FUT8: variants seen among roughly 807,000 people sequenced by gnomAD.
FUT8 encodes alpha-(1,6)-fucosyltransferase.
In FUT8, 29 loss-of-function variants were observed where a neutral mutation model predicts 71.3. That is an observed-to-expected ratio of 0.41 (90% CI 0.30 to 0.55). The LOEUF (loss-of-function observed/expected upper bound fraction) is 0.55, where lower values mean the gene tolerates loss of function less well. Ranked by LOEUF, FUT8 falls within the 20% of genes least tolerant of loss-of-function variation. The probability of loss-of-function intolerance (pLI) is 0.34; values close to 1 mark genes in which losing one functional copy is unlikely to be tolerated. For missense variants in FUT8, 544 were observed against 702.1 expected (o/e 0.77, Z 2.55); for synonymous variants, 254 against 239.3 (o/e 1.06, Z -0.57).
At position 65,561,848 on chromosome 14, in the gene FUT8, A is replaced by G. The variant is rs547878285; in HGVS notation, c.203+82A>G. The G allele has an allele frequency of 1.4e-5, 16 of 1,108,240 alleles. No individual in the cohort carries two copies. In the South Asian group the frequency reaches 1.9e-4, roughly 13 times the overall value. The allele number at this position is 1,108,240 out of a possible 1,614,324, so 68.7% of individuals were successfully genotyped here. On this transcript the variant is annotated intron_variant, in intron 3 of 10. Transcript: ENST00000673929. Reference sequence around the variant, plus strand: ...GTAGGGCTTCATTCCGCTAGGAAAAATAGTTAATTATTTTTATAACCTGCT... The same window carrying G: ...GTAGGGCTTCATTCCGCTAGGAAAAGTAGTTAATTATTTTTATAACCTGCT...
At chr14:65,504,742 C>T (rs1434426935) in intron 2 of FUT8, among the ~76,000 whole-genome samples, 5 of 152,012 alleles carry the variant, frequency 3.3e-5, no homozygotes, top group East Asian at 1.9e-4. Flanking sequence ...TTAGTAGAGA[C>T]GGGGTTTCAC....
chr14:65,476,567 G>A (rs1264110833), intron 2 of FUT8, among the ~76,000 whole-genome samples: 3 of 149,692 alleles, frequency 2.0e-5, no homozygotes, highest in Non-Finnish European at 4.5e-5. Context: ...GTGTCTAGAG[G>A]GTCAGGAAAG....
intron 3 of FUT8, among the ~76,000 whole-genome samples, chr14:65,604,490 T>C (rs1888464690): frequency 6.6e-6 from 1 of 151,922 alleles, no homozygotes; most frequent in African/African-American, 2.4e-5. Context: ...AATAACCTGC[T>C]CCTGAATGAT....
At chr14:65,394,877 C>T in the FUT8 span, among the ~76,000 whole-genome samples, 9 of 151,672 alleles carry the variant, frequency 5.9e-5, no homozygotes, top group Admixed American at 1.3e-4. Flanking sequence ...TCCTGAGTAG[C>T]GGACTACAGG....
At chr14:65,566,983 A>G (rs1446668899) in intron 3 of FUT8, among the ~76,000 whole-genome samples, 1 of 151,954 alleles carries the variant, frequency 6.6e-6, no homozygotes, top group East Asian at 1.9e-4. Flanking sequence ...TGGTTTGTGC[A>G]GAAATCCCCT....
At position 65,421,735 on chromosome 14, in the gene FUT8, A is replaced by ACCCC. The variant is rs377291691; in HGVS notation, c.-326+8524_-326+8525insCCCC. The stretch of plus-strand genomic sequence containing the variant: ...AAGATTTGTATCTTGAAACCCTTTA[A>ACCCC]CCCACCCCCCCCTTTTTTTTTTTTT... On this transcript the variant is annotated intron_variant, in intron 1 of 10. Coordinates refer to ENST00000673929, the MANE Select transcript of FUT8 (RefSeq NM_001371533.1). 9.7e-3 allele frequency among the ~76,000 whole-genome samples: 331 copies of ACCCC among 34,276 alleles called. 1 individual carries two copies. The highest frequency in any genetic ancestry group is 0.04 in the East Asian group (12 of 298). 22.5% of individuals were successfully genotyped at this position (34,276 alleles called of 152,430 possible).
At chr14:65,406,062 T>C (rs958300390), upstream of FUT8, among the ~76,000 whole-genome samples, 4 of 152,198 alleles carry the variant, frequency 2.6e-5, no homozygotes, top group Non-Finnish European at 4.4e-5. Context: ...TAGGTATACG[T>C]TAAAATTATA....
chr14:65,569,551 T>C (rs1045534634), intron 3 of FUT8, among the ~76,000 whole-genome samples: 16 of 151,908 alleles, frequency 1.1e-4, no homozygotes, highest in African/African-American at 3.4e-4. Context: ...ACTCACTTGA[T>C]TCTTTTTGAT....
rs1434680641 is a variant in FUT8 at position 65,627,065 on chromosome 14, A to G, written c.483-2427A>G. Among the ~76,000 whole-genome samples the G allele has an allele frequency of 6.6e-6, 1 of 152,210 alleles. No individual in the cohort carries two copies. Among genetic ancestry groups the G allele is most frequent in the African/African-American group, 2.4e-5 (1 of 41,470 alleles). On this transcript the variant is annotated intron_variant, in intron 5 of 10. Coordinates refer to ENST00000673929, the MANE Select transcript of FUT8 (RefSeq NM_001371533.1). The surrounding 1 kb of genome is among the most constrained non-coding windows in gnomAD (Gnocchi z 4.0). ...CTTTTTCATTCATCTAAAGATATTT[A>G]TCGAATATTTTGTCTGTGACATGCA... is the stretch of plus-strand genomic sequence containing the variant.
Position 65,596,378 on chromosome 14 carries a change from A to G in FUT8, c.204-19600A>G, listed in dbSNP as rs145254807. Among the ~76,000 whole-genome samples, 531 of 152,358 alleles carry G rather than the reference A, an allele frequency of 3.5e-3. 2 individuals are homozygous for G. Among genetic ancestry groups the G allele is most frequent in the African/African-American group, 0.012 (503 of 41,592 alleles). On this transcript the variant is annotated intron_variant, in intron 3 of 10. Coordinates refer to ENST00000673929, the MANE Select transcript of FUT8 (RefSeq NM_001371533.1). The stretch of plus-strand genomic sequence containing the variant: ...ATTAATCATTGCTTTGACAGCAGCA[A>G]TATTCACTTAGAACTCTTGATATTA...
In FUT8 at chr14:65,530,772, G is replaced by A. The variant is rs375051914; in HGVS notation, c.-227-30565G>A. Among the ~76,000 whole-genome samples, 5 of 150,288 alleles carry A rather than the reference G, an allele frequency of 3.3e-5. No homozygotes were observed. The East Asian group carries it at 1.0e-3, about 30-fold the overall frequency. On this transcript the variant is annotated intron_variant, in intron 2 of 10. Coordinates refer to ENST00000673929, the MANE Select transcript of FUT8 (RefSeq NM_001371533.1). ...ACTGAAGATCACTGCCTGTTTTATG[G>A]TGCTCTTGCGTGTATGCTCTTACGT...
Position 65,660,089 on chromosome 14 carries a change from A to G in FUT8, c.598-9154A>G, listed in dbSNP as rs760035089. On this transcript the variant is annotated intron_variant, in intron 6 of 10. Coordinates refer to ENST00000673929, the MANE Select transcript of FUT8 (RefSeq NM_001371533.1). This position sits in a 1 kb window ranked among gnomAD's most constrained non-coding sequence, Gnocchi z 4.1. The stretch of plus-strand genomic sequence containing the variant: ...TTGGAGGTAGTTTTATTTACATTAT[A>G]TTCTTGAATGAGAATATGCATCATT... Among the ~76,000 whole-genome samples, 3 of 152,162 alleles carry G rather than the reference A, an allele frequency of 2.0e-5. No individual in the cohort carries two copies. Among genetic ancestry groups the G allele is most frequent in the Non-Finnish European group, 4.4e-5 (3 of 68,018 alleles).
intron 3 of FUT8, among the ~76,000 whole-genome samples, chr14:65,583,090 CT>C (rs1016006258): frequency 1.3e-5 from 2 of 152,114 alleles, no homozygotes; most frequent in African/African-American, 4.8e-5. Context: ...TAGATGCCAT[CT>C]TTTTTTAGAA....
Position 65,565,378 on chromosome 14 carries a change from T to C in FUT8, c.203+3612T>C, listed in dbSNP as rs188036846. Among the ~76,000 whole-genome samples, 379 of 151,872 alleles carry C rather than the reference T, an allele frequency of 2.5e-3. 3 individuals carry two copies. In the Middle Eastern group the frequency reaches 0.037, roughly 15 times the overall value. The stretch of plus-strand genomic sequence containing the variant: ...ACCACATCCAAATCATAGCAAGATA[T>C]ATCACTTTTTTTTTTTTAATCCATT... On this transcript the variant is annotated intron_variant, in intron 3 of 10. Coordinates refer to ENST00000673929, the MANE Select transcript of FUT8 (RefSeq NM_001371533.1).
At chr14:65,390,507 C>CA in the FUT8 span, among the ~76,000 whole-genome samples, 3 of 151,334 alleles carry the variant, frequency 2.0e-5, no homozygotes, top group Admixed American at 6.6e-5. Context: ...GTCTAGTTTT[C>CA]AAAAAATGCA....
chr14:65,627,210 A>T lies in FUT8; in HGVS notation c.483-2282A>T, dbSNP rs957737091. ...GGCAGAAAGATAAGAAGTAAGTAATATTGTATATTGGAAAATGATAACTGC... is the reference window on the plus strand; with the variant it reads ...GGCAGAAAGATAAGAAGTAAGTAATTTTGTATATTGGAAAATGATAACTGC... On this transcript the variant is annotated intron_variant, in intron 5 of 10. Transcript: ENST00000673929. The surrounding 1 kb of genome is among the most constrained non-coding windows in gnomAD (Gnocchi z 4.0). Among the ~76,000 whole-genome samples the T allele has an allele frequency of 6.6e-5, 10 of 152,148 alleles. No homozygotes were observed. The highest frequency in any genetic ancestry group is 1.2e-4 in the Non-Finnish European group (8 of 68,014).
At chr14:65,423,473 A>T (rs776451054) in intron 1 of FUT8, among the ~76,000 whole-genome samples, 6 of 151,988 alleles carry the variant, frequency 3.9e-5, no homozygotes, top group Non-Finnish European at 7.4e-5. Flanking sequence ...AGTGTTAGTC[A>T]GGATGGTCTT....
chr14:65,698,268 T>A (rs1415261635), intron 7 of FUT8, among the ~76,000 whole-genome samples: 1 of 152,182 alleles, frequency 6.6e-6, no homozygotes, highest in African/African-American at 2.4e-5. Context: ...GATTCTATAA[T>A]GTTTATCGAA....
chr14:65,637,248 T>C (rs1270045569), intron 6 of FUT8, among the ~76,000 whole-genome samples: 1 of 152,208 alleles, frequency 6.6e-6, no homozygotes, highest in Non-Finnish European at 1.5e-5. Flanking sequence ...TCCTAGACTT[T>C]TGGGTGATTT....
Sources: gnomAD v4.1 joint callset for allele counts (sites outside exome capture counted in the v4.1 genomes callset) on GRCh38, gnomAD v4.1.1 for gene constraint, Gnocchi (gnomAD v3.1) non-coding constraint, MANE v1.5 for transcripts, NCBI Gene and HGNC (gene_info 2026-07-23, HGNC 2026-07-21) for gene names.